VTI1A: variants seen among roughly 807,000 people sequenced by gnomAD.
VTI1A encodes the protein vesicle transport through interaction with t-SNAREs homolog 1A.
VTI1A carries 22 observed loss-of-function variants against 34.9 expected under a neutral mutation model. That is an observed-to-expected ratio of 0.63 (90% CI 0.45 to 0.90). VTI1A has a LOEUF of 0.90. Among genes scored for constraint, VTI1A ranks in the 40% least tolerant of loss-of-function variants. The pLI is 0.00. For missense variants in VTI1A, 268 were observed against 275.6 expected, an observed-to-expected ratio of 0.97 and a Z score of 0.20; for synonymous variants, 87 against 97.3, an observed-to-expected ratio of 0.89 and a Z score of 0.62.
intron 5 of VTI1A, among the ~76,000 whole-genome samples, chr10:112,631,268 A>G (rs1168234878): frequency 2.6e-5 from 4 of 152,224 alleles, no homozygotes; most frequent in Non-Finnish European, 5.9e-5. Context: ...ATGAGGTACA[A>G]TTCACGTAAT....
At chr10:112,569,231 A>T (rs905063845) in intron 5 of VTI1A, among the ~76,000 whole-genome samples, 17 of 152,032 alleles carry the variant, frequency 1.1e-4, no homozygotes, top group African/African-American at 4.1e-4. Flanking sequence ...CTAATGATAA[A>T]TTTGCTGAGA....
intron 7 of VTI1A, among the ~76,000 whole-genome samples, chr10:112,765,028 C>T (rs1362953938): frequency 6.6e-6 from 1 of 152,186 alleles, no homozygotes; most frequent in Non-Finnish European, 1.5e-5. Flanking sequence ...CAGCAATGAT[C>T]CCCATGTCCT....
intron 7 of VTI1A, among the ~76,000 whole-genome samples, chr10:112,710,462 C>T (rs1849374508): frequency 2.6e-5 from 4 of 152,152 alleles, no homozygotes; most frequent in African/African-American, 7.2e-5. Context: ...CCACCTTGGC[C>T]TCCCAAAATG....
At chr10:112,766,689 A>T in intron 7 of VTI1A, among the ~76,000 whole-genome samples, 1 of 152,240 alleles carries the variant, frequency 6.6e-6, no homozygotes, top group Non-Finnish European at 1.5e-5. Flanking sequence ...TTCCTACCAT[A>T]GGGAAGAGAA....
At chr10:112,490,362 C>T (rs922701122) in intron 3 of VTI1A, among the ~76,000 whole-genome samples, 10 of 152,220 alleles carry the variant, frequency 6.6e-5, no homozygotes, top group South Asian at 4.1e-4. Context: ...TTAATAAATA[C>T]GACATTTTTC....
intron 7 of VTI1A, among the ~76,000 whole-genome samples, chr10:112,763,505 G>C (rs561439719): frequency 6.6e-6 from 1 of 151,462 alleles, no homozygotes; most frequent in Admixed American, 6.6e-5. Flanking sequence ...AATTTTACAT[G>C]CCTCACCTGC....
intron 7 of VTI1A, among the ~76,000 whole-genome samples, chr10:112,800,614 TGCTATTATTG>T (rs1185868465): frequency 6.6e-6 from 1 of 152,266 alleles, no homozygotes. Context: ...AACAGAATGC[TGCTATTATTG>T]GCCCCATTTT....
chr10:112,591,518 T>TCACACACACACACACA (rs61256241), intron 5 of VTI1A, among the ~76,000 whole-genome samples: 172 of 150,824 alleles, frequency 1.1e-3, no homozygotes, highest in East Asian at 1.0e-2. Flanking sequence ...AGACTCCGTC[T>TCACACACACACACACA]CACACACACA....
intron 3 of VTI1A, among the ~76,000 whole-genome samples, chr10:112,485,775 CT>C: frequency 6.6e-6 from 1 of 152,258 alleles, no homozygotes; most frequent in South Asian, 2.1e-4. Context: ...TTGCCTGTAT[CT>C]TTTAACTTTA....
intron 5 of VTI1A, among the ~76,000 whole-genome samples, chr10:112,626,598 GAAA>G (rs911492926): frequency 6.6e-6 from 1 of 151,592 alleles, no homozygotes; most frequent in Non-Finnish European, 1.5e-5. Flanking sequence ...AAGAAAGAAA[GAAA>G]AAAGAAATAC....
At chr10:112,771,431 G>A (rs530130486) in intron 7 of VTI1A, among the ~76,000 whole-genome samples, 2 of 152,318 alleles carry the variant, frequency 1.3e-5, no homozygotes, top group South Asian at 2.1e-4. Context: ...TAGGAACTGG[G>A]GAGGGAACAG....
intron 5 of VTI1A, among the ~76,000 whole-genome samples, chr10:112,633,306 G>A (rs1047869624): frequency 6.6e-5 from 10 of 152,128 alleles, no homozygotes; most frequent in East Asian, 5.8e-4. Context: ...TGAGTACTCC[G>A]CATGTGCCAG....
At chr10:112,600,703 T>C (rs1844845496) in intron 5 of VTI1A, among the ~76,000 whole-genome samples, 1 of 152,258 alleles carries the variant, frequency 6.6e-6, no homozygotes, top group Non-Finnish European at 1.5e-5. Flanking sequence ...ATGTCTGGTC[T>C]GTTTTGTCTC....
chr10:112,597,446 G>A (rs969500030), intron 5 of VTI1A, among the ~76,000 whole-genome samples: 52 of 152,100 alleles, frequency 3.4e-4, no homozygotes, highest in Non-Finnish European at 6.6e-4. Flanking sequence ...TCGAACTCCC[G>A]ACCGCAGGTG....
chr10:112,490,867 C>G (rs1848796636), intron 3 of VTI1A, among the ~76,000 whole-genome samples: 2 of 152,148 alleles, frequency 1.3e-5, no homozygotes, highest in South Asian at 4.1e-4. Flanking sequence ...CAGCTTGCCT[C>G]TAGCTGCTAT....
chr10:112,722,067 G>T (rs1467162899), intron 7 of VTI1A, among the ~76,000 whole-genome samples: 1 of 152,186 alleles, frequency 6.6e-6, no homozygotes, highest in African/African-American at 2.4e-5. Context: ...ATTGAGGAAA[G>T]AGAGTTTAGC....
At chr10:112,546,309 TAATCC>T (rs1851125841) in intron 5 of VTI1A, among the ~76,000 whole-genome samples, 1 of 152,060 alleles carries the variant, frequency 6.6e-6, no homozygotes, top group Non-Finnish European at 1.5e-5. Context: ...CTCACACCTG[TAATCC>T]AAAGCACTTT....
At chr10:112,682,013 C>T (rs1848233625) in intron 7 of VTI1A, among the ~76,000 whole-genome samples, 1 of 152,098 alleles carries the variant, frequency 6.6e-6, no homozygotes, top group Admixed American at 6.5e-5. Flanking sequence ...CATTCATTTT[C>T]TATTCTGTAT....
At chr10:112,485,292 GAAAA>G (rs1302135641) in intron 3 of VTI1A, 2 of 150,968 alleles carry the variant, frequency 1.3e-5, no homozygotes. Flanking sequence ...AAAAAAAAAA[GAAAA>G]AAAGAAAAAA....
Sources: gnomAD v4.1 joint callset for allele counts (sites outside exome capture counted in the v4.1 genomes callset) on GRCh38, gnomAD v4.1.1 for gene constraint, MANE v1.5 for transcripts, NCBI Gene and HGNC (gene_info 2026-07-23, HGNC 2026-07-21) for gene names.